OPCML: variants seen among roughly 807,000 people sequenced by gnomAD.
OPCML encodes opioid-binding protein/cell adhesion molecule.
OPCML carries 13 observed loss-of-function variants against 37.8 expected under a neutral mutation model. The observed-to-expected ratio is 0.34, with a 90% CI of 0.22 to 0.55. The LOEUF (loss-of-function observed/expected upper bound fraction) is 0.55, where lower values mean the gene tolerates loss of function less well. Among genes scored for constraint, OPCML ranks in the 20% least tolerant of loss-of-function variants. The pLI is 0.91. For synonymous variants in OPCML, 176 were observed against 168.8 expected, an observed-to-expected ratio of 1.04 and a Z score of -0.33; for missense variants, 341 against 435.6, an observed-to-expected ratio of 0.78 and a Z score of 1.93.
chr11:132,811,967 T>C (rs549689141), intron 2 of OPCML, among the ~76,000 whole-genome samples: 2 of 152,284 alleles, frequency 1.3e-5, no homozygotes, highest in African/African-American at 4.8e-5. Flanking sequence ...AGTGATGTGG[T>C]CATCTCTTGT....
Position 133,083,488 on chromosome 11 carries a change from C to T in OPCML, c.62-140478G>A, listed in dbSNP as rs1372246780. Among the ~76,000 whole-genome samples the T allele has an allele frequency of 5.3e-5, 8 of 152,358 alleles. No individual in the cohort carries two copies. The East Asian group carries it at 1.5e-3, about 30-fold the overall frequency. On this transcript the variant is annotated intron_variant, in intron 1 of 7. Coordinates refer to ENST00000524381, the MANE Select transcript of OPCML (RefSeq NM_001012393.5). ...GGCCAGAGAGGGGCCAGGCAGGGCC[C>T]CGGAAGGCTCGGCCCATGCATCCAG...
chr11:133,395,884 A>C (rs936368966), intron 1 of OPCML, among the ~76,000 whole-genome samples: 1 of 152,138 alleles, frequency 6.6e-6, no homozygotes, highest in Non-Finnish European at 1.5e-5. Context: ...GTGGTTCCAT[A>C]TAAATTTTAG....
chr11:132,892,434 T>A (rs1943685305), intron 2 of OPCML, among the ~76,000 whole-genome samples: 1 of 152,184 alleles, frequency 6.6e-6, no homozygotes, highest in African/African-American at 2.4e-5. Flanking sequence ...ACTACATCGA[T>A]GTGCATTACA....
At chr11:133,105,431 T>C (rs952034147) in intron 1 of OPCML, among the ~76,000 whole-genome samples, 5 of 152,176 alleles carry the variant, frequency 3.3e-5, no homozygotes, top group Admixed American at 6.5e-5. Flanking sequence ...TCATGAATGA[T>C]AGATGCATGT....
chr11:133,343,841 T>G (rs1943932812), intron 1 of OPCML, among the ~76,000 whole-genome samples: 1 of 152,194 alleles, frequency 6.6e-6, no homozygotes, highest in South Asian at 2.1e-4. Context: ...GCCTAAAATT[T>G]TATCCCTTTT....
intron 2 of OPCML, among the ~76,000 whole-genome samples, chr11:132,824,466 T>C (rs1940181370): frequency 6.6e-6 from 1 of 152,154 alleles, no homozygotes; most frequent in East Asian, 1.9e-4. Flanking sequence ...TCACACTGTG[T>C]TCATCCTCAC....
intron 3 of OPCML, among the ~76,000 whole-genome samples, chr11:132,619,485 T>C (rs981377091): frequency 1.1e-4 from 17 of 151,878 alleles, no homozygotes; most frequent in African/African-American, 3.6e-4. Flanking sequence ...TCAGCAAAGG[T>C]TGAAATCAGA....
intron 3 of OPCML, among the ~76,000 whole-genome samples, chr11:132,544,449 A>C (rs2137390378): frequency 6.6e-6 from 1 of 152,346 alleles, no homozygotes; most frequent in African/African-American, 2.4e-5. Flanking sequence ...TATTATTCCC[A>C]GCAACAAGTG....
At chr11:133,379,396 C>T (rs1944884223) in intron 1 of OPCML, among the ~76,000 whole-genome samples, 2 of 152,260 alleles carry the variant, frequency 1.3e-5, no homozygotes, top group African/African-American at 4.8e-5. Flanking sequence ...TCTGCGGCCA[C>T]ACCCATTTCT....
chr11:133,095,754 T>A (rs1250957980), intron 1 of OPCML, among the ~76,000 whole-genome samples: 2 of 150,654 alleles, frequency 1.3e-5, no homozygotes, highest in East Asian at 3.9e-4. Flanking sequence ...GGAGAAAAGA[T>A]AAAAATTGCA....
At chr11:133,088,537 G>C (rs543618987) in intron 1 of OPCML, among the ~76,000 whole-genome samples, 20 of 152,262 alleles carry the variant, frequency 1.3e-4, no homozygotes, top group African/African-American at 4.6e-4. Context: ...TGTTTCTTTT[G>C]CCATTGGCTT....
chr11:133,303,475 C>T (rs1942832632), intron 1 of OPCML, among the ~76,000 whole-genome samples: 2 of 152,268 alleles, frequency 1.3e-5, no homozygotes, highest in Admixed American at 6.5e-5. Context: ...GTCTGCTATT[C>T]ATTGCGGTTG....
rs1279998799 is a variant in OPCML at position 133,140,820 on chromosome 11, AGAAGACGACGAC to A, written c.62-197822_62-197811del. On this transcript the variant is annotated intron_variant, in intron 1 of 7. Transcript: ENST00000524381. The stretch of plus-strand genomic sequence containing the variant: ...AAGAAGAAGAAGACGACGACGAAGA[AGAAGACGACGAC>A]GAAGAAGACGACGACGACGACGAAG... Among the ~76,000 whole-genome samples, 27 of 36,548 alleles carry A rather than the reference AGAAGACGACGAC, an allele frequency of 7.4e-4. 1 individual carries two copies. The highest frequency in any genetic ancestry group is 1.4e-3 in the African/African-American group (25 of 17,284). 24.0% of individuals were successfully genotyped at this position (36,548 alleles called of 152,430 possible). A position where few individuals can be genotyped will look rare whatever the true frequency, so the allele number is the denominator to read the frequency against.
chr11:132,659,295 A>G (rs990926370), intron 2 of OPCML, among the ~76,000 whole-genome samples: 2 of 152,186 alleles, frequency 1.3e-5, no homozygotes, highest in Non-Finnish European at 2.9e-5. Flanking sequence ...GGGAAAAAAT[A>G]TGATAAATTT....
chr11:132,998,942 G>A (rs2135633), intron 1 of OPCML, among the ~76,000 whole-genome samples: 317 of 152,230 alleles, frequency 2.1e-3, no homozygotes, highest in African/African-American at 7.4e-3. Context: ...TATAACAACC[G>A]AAACACACTA....
chr11:133,422,932 G>C, intron 1 of OPCML: 1 of 984,920 alleles, frequency 1.0e-6, no homozygotes, highest in Non-Finnish European at 1.2e-6. Context: ...TAGCAGAACT[G>C]GGGCTAGAAC....
At chr11:132,593,221 C>G (rs898704295) in intron 3 of OPCML, among the ~76,000 whole-genome samples, 7 of 152,074 alleles carry the variant, frequency 4.6e-5, no homozygotes, top group Admixed American at 1.3e-4. Flanking sequence ...AACAGCCCCA[C>G]AGAGGGAAAC....
At chr11:132,631,657 TA>T (rs1940140655) in intron 3 of OPCML, among the ~76,000 whole-genome samples, 2 of 151,308 alleles carry the variant, frequency 1.3e-5, no homozygotes, top group African/African-American at 4.8e-5. Context: ...TAGAGACATA[TA>T]TTTTTAAACC....
intron 3 of OPCML, among the ~76,000 whole-genome samples, chr11:132,551,883 CCT>C (rs1273799943): frequency 2.6e-5 from 4 of 152,146 alleles, no homozygotes. Flanking sequence ...TTGCAATTCC[CCT>C]GTCTTGATAA....
Sources: allele counts gnomAD v4.1 joint callset (sites outside exome capture counted in the v4.1 genomes callset), GRCh38; gene constraint gnomAD v4.1.1; transcripts MANE v1.5; gene names NCBI Gene and HGNC (gene_info 2026-07-23, HGNC 2026-07-21).